Variants in CPPED1 observed in about 807,000 individuals in gnomAD.
CPPED1 encodes the protein calcineurin like phosphoesterase domain containing 1.
Under a neutral mutation model 28.0 loss-of-function variants are expected in CPPED1, and 28 were observed. The observed-to-expected ratio is 1.00, with a 90% CI of 0.74 to 1.37. The LOEUF (loss-of-function observed/expected upper bound fraction) is 1.37. Among genes scored for constraint, CPPED1 ranks in the 40% most tolerant of loss-of-function variants. CPPED1 has a pLI of 0.00. For missense variants in CPPED1, 504 were observed against 416.5 expected (o/e 1.21, Z -1.83); for synonymous variants, 198 against 180.2 (o/e 1.10, Z -0.79).
At chr16:12,707,819 C>T (rs78145467) in intron 2 of CPPED1, among the ~76,000 whole-genome samples, 4 of 151,806 alleles carry the variant, frequency 2.6e-5, no homozygotes, top group Non-Finnish European at 2.9e-5. Context: ...AAAAAAAAAA[C>T]GCAGCTCATC....
chr16:12,705,306 T>C (rs1411796813), intron 2 of CPPED1, among the ~76,000 whole-genome samples: 2 of 152,158 alleles, frequency 1.3e-5, no homozygotes, highest in Non-Finnish European at 2.9e-5. Context: ...TGCTGAGTGA[T>C]GGTGTGAAGT....
chr16:12,677,602 A>G (rs2079884215), intron 3 of CPPED1, among the ~76,000 whole-genome samples: 1 of 152,212 alleles, frequency 6.6e-6, no homozygotes. Flanking sequence ...AGCTCGTGCC[A>G]CTGCACTCCA....
intron 2 of CPPED1, among the ~76,000 whole-genome samples, chr16:12,724,641 C>A (rs2080159802): frequency 6.6e-6 from 1 of 152,198 alleles, no homozygotes; most frequent in Non-Finnish European, 1.5e-5. Context: ...TCTGGAAAAC[C>A]TTGCCCATTT....
Position 12,661,259 on chromosome 16 carries a change from A to G in CPPED1, c.*3627T>C, listed in dbSNP as rs2079792618. ...ACCGTAGTGTCTTTTACAGGTATAT[A>G]AGGTCAATGGCCCTAGTCTAATTCA... is the stretch of plus-strand genomic sequence containing the variant. On this transcript the variant is annotated 3_prime_UTR_variant, in exon 4 of 4. Transcript: ENST00000381774. The G allele has an allele frequency of 6.6e-6, 1 of 152,218 alleles. No individual in the cohort carries two copies. Among genetic ancestry groups the G allele is most frequent in the Admixed American group, 6.5e-5 (1 of 15,274 alleles). 9.4% of individuals were successfully genotyped at this position (152,218 alleles called of 1,614,324 possible). A position where few individuals can be genotyped will look rare whatever the true frequency, so the allele number is the denominator to read the frequency against.
chr16:12,732,841 T>C (rs1396297927), intron 2 of CPPED1, among the ~76,000 whole-genome samples: 3 of 152,140 alleles, frequency 2.0e-5, no homozygotes, highest in Non-Finnish European at 4.4e-5. Flanking sequence ...ACATTTTTGG[T>C]GCAATTTCTT....
chr16:12,701,750 C>G (rs530197931), intron 3 of CPPED1, among the ~76,000 whole-genome samples: 1 of 152,268 alleles, frequency 6.6e-6, no homozygotes, highest in South Asian at 2.1e-4. Flanking sequence ...GTGGGGAGCA[C>G]AGTGCAGAGC....
intron 3 of CPPED1, among the ~76,000 whole-genome samples, chr16:12,669,861 G>C (rs1439979375): frequency 1.3e-5 from 2 of 152,208 alleles, no homozygotes; most frequent in African/African-American, 4.8e-5. Context: ...AGAAAGGATA[G>C]TGGTGCTCAG....
intron 2 of CPPED1, among the ~76,000 whole-genome samples, chr16:12,706,645 T>C (rs906982562): frequency 1.3e-5 from 2 of 150,638 alleles, no homozygotes; most frequent in African/African-American, 2.4e-5. Context: ...GTGGCTGGAA[T>C]GAATGTTTGG....
intron 3 of CPPED1, among the ~76,000 whole-genome samples, chr16:12,696,955 G>A (rs538539594): frequency 1.3e-5 from 2 of 152,206 alleles, no homozygotes; most frequent in Admixed American, 6.5e-5. Flanking sequence ...AATTCCCCCT[G>A]TACAAACCTC....
At chr16:12,785,790 A>AC (rs1173193046) in intron 1 of CPPED1, among the ~76,000 whole-genome samples, 1 of 151,942 alleles carries the variant, frequency 6.6e-6, no homozygotes, top group Admixed American at 6.6e-5. Flanking sequence ...GCCCAGAGTT[A>AC]CCCCCAGGGT....
At chr16:12,720,181 G>C (rs1162820649) in intron 2 of CPPED1, 2 of 152,980 alleles carry the variant, frequency 1.3e-5, no homozygotes, top group Non-Finnish European at 2.9e-5. Context: ...GTGAGTGTGT[G>C]GCAATGGTTT....
At position 12,662,852 on chromosome 16, in the gene CPPED1, G is replaced by A. The variant is rs890707670; in HGVS notation, c.*2034C>T. 1 of 152,080 alleles carries A rather than the reference G, an allele frequency of 6.6e-6. No homozygotes were observed. Among genetic ancestry groups the A allele is most frequent in the African/African-American group, 2.4e-5 (1 of 41,418 alleles). 9.4% of individuals were successfully genotyped at this position (152,080 alleles called of 1,614,324 possible). On this transcript the variant is annotated 3_prime_UTR_variant, in exon 4 of 4. Transcript: ENST00000381774. ...TCAGTTCTTTTAAGTTTTTGGGGAA[G>A]GAGATTTGGTTTCATTTTCATTACT...
intron 2 of CPPED1, chr16:12,759,185 A>T (rs1454750435): frequency 6.6e-6 from 1 of 151,134 alleles, no homozygotes; most frequent in Non-Finnish European, 1.5e-5. Flanking sequence ...AAAAAAAAAA[A>T]AGACAAAAAA....
intron 3 of CPPED1, among the ~76,000 whole-genome samples, chr16:12,699,614 T>C (rs1460895670): frequency 6.6e-6 from 1 of 152,180 alleles, no homozygotes; most frequent in Non-Finnish European, 1.5e-5. Context: ...AAGCTGGGTT[T>C]TACCTCCACG....
Position 12,660,087 on chromosome 16 carries a change from GGACACAGAGCCAAACCAATTTGGGTGGA to G in CPPED1, c.*4771_*4798del, listed in dbSNP as rs2079785478. 1 of 152,146 alleles carries G rather than the reference GGACACAGAGCCAAACCAATTTGGGTGGA, an allele frequency of 6.6e-6. No individual in the cohort carries two copies. Among genetic ancestry groups the G allele is most frequent in the Non-Finnish European group, 1.5e-5 (1 of 68,044 alleles). 9.4% of individuals were successfully genotyped at this position (152,146 alleles called of 1,614,324 possible). ...ACAATTCGAGATGAGATTTCAGTGGGGACACAGAGCCAAACCAATTTGGGTGGAGACACAGAGCCAAACCATATCAAGC... is the reference window on the plus strand; with the variant it reads ...ACAATTCGAGATGAGATTTCAGTGGGGACACAGAGCCAAACCATATCAAGC... On this transcript the variant is annotated 3_prime_UTR_variant, in exon 4 of 4. Coordinates refer to ENST00000381774, the MANE Select transcript of CPPED1 (RefSeq NM_018340.3).
At chr16:12,736,675 A>G (rs1279627718) in intron 2 of CPPED1, among the ~76,000 whole-genome samples, 1 of 152,220 alleles carries the variant, frequency 6.6e-6, no homozygotes, top group Non-Finnish European at 1.5e-5. Flanking sequence ...CATTTGCTTA[A>G]CCATTATTTA....
At chr16:12,711,927 A>G (rs2080082237) in intron 2 of CPPED1, among the ~76,000 whole-genome samples, 1 of 152,140 alleles carries the variant, frequency 6.6e-6, no homozygotes, top group Non-Finnish European at 1.5e-5. Flanking sequence ...CTACCCAGGG[A>G]AGAGACAGGG....
Position 12,664,299 on chromosome 16 carries a change from T to A in CPPED1, c.*587A>T. 1 of 910,996 alleles carries A rather than the reference T, an allele frequency of 1.1e-6. No individual in the cohort carries two copies. Among genetic ancestry groups the A allele is most frequent in the Non-Finnish European group, 1.3e-6 (1 of 761,782 alleles). The allele number at this position is 910,996 out of a possible 1,614,324, so 56.4% of individuals were successfully genotyped here. A position where few individuals can be genotyped will look rare whatever the true frequency, so the allele number is the denominator to read the frequency against. On this transcript the variant is annotated 3_prime_UTR_variant, in exon 4 of 4. Transcript: ENST00000381774. This position sits in a 1 kb window ranked among gnomAD's most constrained non-coding sequence, Gnocchi z 4.2. Reference sequence around the variant, plus strand: ...TCCGAGCTGTATCAACTGCATTCTGTTCCTATCATCAGAAGTCTCAGAATT... The same window carrying A: ...TCCGAGCTGTATCAACTGCATTCTGATCCTATCATCAGAAGTCTCAGAATT...
Position 12,742,176 on chromosome 16 carries a change from G to A in CPPED1, c.290-37127C>T, listed in dbSNP as rs147163640. 5.8e-4 allele frequency among the ~76,000 whole-genome samples: 88 copies of A among 152,170 alleles called. 4 individuals are homozygous for A. The East Asian group carries it at 0.014, about 24-fold the overall frequency. On this transcript the variant is annotated intron_variant, in intron 2 of 3. Transcript: ENST00000381774. The stretch of plus-strand genomic sequence containing the variant: ...AAATGACCATGATACTCAGAGAAAC[G>A]GCATTTTACATAACTACAGACCTGT...
Sources: allele counts gnomAD v4.1 joint callset (sites outside exome capture counted in the v4.1 genomes callset), GRCh38; gene constraint gnomAD v4.1.1; non-coding constraint Gnocchi (gnomAD v3.1); transcripts MANE v1.5; gene names NCBI Gene and HGNC (gene_info 2026-07-23, HGNC 2026-07-21).